TRPC5: variants seen among roughly 807,000 people sequenced by gnomAD.
TRPC5 encodes short transient receptor potential channel 5.
TRPC5 carries 9 observed loss-of-function variants against 56.5 expected under a neutral mutation model. The ratio of observed to expected loss-of-function variants is 0.16; its 90% CI spans 0.10 to 0.28. The LOEUF (loss-of-function observed/expected upper bound fraction) is 0.28. Among genes scored for constraint, TRPC5 ranks in the 10% least tolerant of loss-of-function variants. TRPC5 has a pLI of 1.00. For missense variants in TRPC5, 469 were observed against 748.9 expected (o/e 0.63, Z 4.36); for synonymous variants, 282 against 278.5 (o/e 1.01, Z -0.13).
At position 112,029,988 on chromosome X, in the gene TRPC5, T is replaced by A. The variant is rs60898175; in HGVS notation, c.-22+51891A>T. On this transcript the variant is annotated intron_variant, in intron 1 of 10. Transcript: ENST00000262839. ...GATCACAGGCTTGTGCAACCACGCC[T>A]GGCTATTTGTATTTTTAGTAGAGAT... is the stretch of plus-strand genomic sequence containing the variant. 1.0e-2 allele frequency among the ~76,000 whole-genome samples: 1,111 copies of A among 111,413 alleles called. 15 individuals are homozygous for A. The highest frequency in any genetic ancestry group is 0.035 in the African/African-American group (1,062 of 30,684).
At chrX:111,976,023 T>A (rs1043818351) in intron 1 of TRPC5, among the ~76,000 whole-genome samples, 12 of 112,469 alleles carry the variant, frequency 1.1e-4, no homozygotes, top group Non-Finnish European at 2.1e-4. Context: ...AATTAATCAA[T>A]GTCGTATACT....
At chrX:111,959,251 A>T (rs1195349403) in intron 1 of TRPC5, among the ~76,000 whole-genome samples, 1 of 112,508 alleles carries the variant, frequency 8.9e-6, no homozygotes, top group Non-Finnish European at 1.9e-5. Flanking sequence ...CACATATGAT[A>T]TAAAAAAGTT....
chrX:111,940,249 A>G (rs889787537), intron 2 of TRPC5, among the ~76,000 whole-genome samples: 21 of 111,399 alleles, frequency 1.9e-4, no homozygotes, highest in Admixed American at 5.7e-4. Flanking sequence ...TTTCTGGTTT[A>G]TTCCATTGTG....
At chrX:111,888,693 CAAAAAAAAAAA>C (rs753735549) in intron 3 of TRPC5, among the ~76,000 whole-genome samples, 2 of 10,985 alleles carry the variant, frequency 1.8e-4, no homozygotes, top group Admixed American at 1.5e-3. Context: ...GACTCTATCT[CAAAAAAAAAAA>C]AAAAAAAAAA....
intron 1 of TRPC5, among the ~76,000 whole-genome samples, chrX:112,062,950 G>A: frequency 9.0e-6 from 1 of 111,413 alleles, no homozygotes; most frequent in East Asian, 2.8e-4. Context: ...AATGCAGTAA[G>A]ATAGGCAATA....
At chrX:111,826,815 C>A (rs951086991) in intron 7 of TRPC5, among the ~76,000 whole-genome samples, 1 of 111,815 alleles carries the variant, frequency 8.9e-6, no homozygotes, top group East Asian at 2.8e-4. Context: ...TGATTCTTAT[C>A]CTGGAAGAAA....
At chrX:112,016,805 T>A (rs1359045319) in intron 1 of TRPC5, among the ~76,000 whole-genome samples, 1 of 111,286 alleles carries the variant, frequency 9.0e-6, no homozygotes, top group African/African-American at 3.3e-5. Flanking sequence ...CAACTGTACC[T>A]CCTATTTGCT....
chrX:111,845,255 A>G (rs1277170923), intron 6 of TRPC5, among the ~76,000 whole-genome samples: 2 of 111,327 alleles, frequency 1.8e-5, no homozygotes, highest in Non-Finnish European at 3.8e-5. Flanking sequence ...GAATGAATGA[A>G]TGACTGAATC....
chrX:111,856,586 C>T (rs1400394950), intron 3 of TRPC5, among the ~76,000 whole-genome samples: 2 of 94,495 alleles, frequency 2.1e-5, no homozygotes, highest in East Asian at 3.0e-4. Context: ...GAGGCCGAGG[C>T]GGGCAGATCA....
Position 111,776,621 on chromosome X carries a change from C to A in TRPC5, c.2614G>T (p.Val872Phe). ...EPMYTISDGI[V>F]QQHCMWQDIR... The stretch of plus-strand genomic sequence containing the variant: ...TCCTGCCACATACAGTGCTGCTGAA[C>A]AATTCCATCAGAAATTGTGTACATT... The change falls in exon 11 of 11, where the codon GTT (valine) becomes TTT (phenylalanine). Residue 872 changes from valine to phenylalanine, a missense_variant. Coordinates refer to ENST00000262839, the MANE Select transcript of TRPC5 (RefSeq NM_012471.3). 8.3e-7 allele frequency: 1 copy of A among 1,211,972 alleles called. No individual in the cohort carries two copies. Among genetic ancestry groups the A allele is most frequent in the Non-Finnish European group, 1.1e-6 (1 of 895,599 alleles).
intron 7 of TRPC5, among the ~76,000 whole-genome samples, chrX:111,814,193 C>G (rs763607373): frequency 2.4e-4 from 27 of 111,110 alleles, no homozygotes; most frequent in Non-Finnish European, 4.2e-4. Flanking sequence ...TAGTCAAAGC[C>G]TCCCTCAACC....
At chrX:111,971,004 TC>T (rs1927769858) in intron 1 of TRPC5, among the ~76,000 whole-genome samples, 2 of 110,616 alleles carry the variant, frequency 1.8e-5, no homozygotes, top group African/African-American at 6.6e-5. Context: ...GGTCTCGATC[TC>T]CTGACCTCGT....
intron 1 of TRPC5, among the ~76,000 whole-genome samples, chrX:112,021,272 A>G (rs756617620): frequency 1.6e-4 from 18 of 111,564 alleles, no homozygotes; most frequent in African/African-American, 5.9e-4. Context: ...CACAATATCA[A>G]ATGATGTCCA....
At chrX:111,905,153 C>G (rs1925543108) in intron 3 of TRPC5, among the ~76,000 whole-genome samples, 2 of 106,728 alleles carry the variant, frequency 1.9e-5, no homozygotes, top group Non-Finnish European at 3.8e-5. Context: ...TGTGATCCAA[C>G]TTGATTTTTA....
chrX:111,769,455 A>G lies in TRPC5; in HGVS notation c.*6858T>C, dbSNP rs1489263735. ...ATGTAAGGCTACCACTGCTCCAAGCATAATTGAAACTAGATTCCAGGATAC... is the reference window on the plus strand; with the variant it reads ...ATGTAAGGCTACCACTGCTCCAAGCGTAATTGAAACTAGATTCCAGGATAC... On this transcript the variant is annotated 3_prime_UTR_variant, in exon 11 of 11. Transcript: ENST00000262839. Among the ~76,000 whole-genome samples the G allele has an allele frequency of 8.9e-6, 1 of 111,822 alleles. No individual in the cohort carries two copies. The highest frequency in any genetic ancestry group is 1.9e-5 in the Non-Finnish European group (1 of 53,187).
chrX:111,802,298 T>C (rs987556560), intron 7 of TRPC5, among the ~76,000 whole-genome samples: 2 of 111,897 alleles, frequency 1.8e-5, no homozygotes, highest in Non-Finnish European at 3.8e-5. Flanking sequence ...AACTTGGAAG[T>C]ATAAATCCTC....
chrX:111,909,356 A>AAATTAATTAATT (rs1055589217), intron 3 of TRPC5, among the ~76,000 whole-genome samples: 3 of 94,655 alleles, frequency 3.2e-5, no homozygotes, highest in Admixed American at 1.2e-4. Flanking sequence ...ATAAATAAAT[A>AAATTAATTAATT]AATTAATTAA....
chrX:111,815,454 C>G lies in TRPC5; in HGVS notation c.1896+19467G>C, dbSNP rs192560646. On this transcript the variant is annotated intron_variant, in intron 7 of 10. Coordinates refer to ENST00000262839, the MANE Select transcript of TRPC5 (RefSeq NM_012471.3). ...CTAATCTAGATATACTCAGGCCCAG[C>G]ACGGTCGCCCATACCTGTAATCACA... is the stretch of plus-strand genomic sequence containing the variant. 7.3e-3 allele frequency among the ~76,000 whole-genome samples: 812 copies of G among 111,316 alleles called. 18 individuals are homozygous for G. The highest frequency in any genetic ancestry group is 0.021 in the South Asian group (55 of 2,590).
chrX:111,815,303 CA>C (rs1014041638), intron 7 of TRPC5, among the ~76,000 whole-genome samples: 2 of 111,443 alleles, frequency 1.8e-5, no homozygotes, highest in South Asian at 7.6e-4. Context: ...TGCAGATACA[CA>C]AAAAAATTAT....
Sources: allele counts gnomAD v4.1 joint callset (sites outside exome capture counted in the v4.1 genomes callset), GRCh38; gene constraint gnomAD v4.1.1; transcripts MANE v1.5; gene names NCBI Gene and HGNC (gene_info 2026-07-23, HGNC 2026-07-21).